Variants in AGMO observed in about 807,000 individuals in gnomAD.
The protein encoded by AGMO is alkylglycerol monooxygenase.
AGMO carries 75 observed loss-of-function variants against 60.2 expected under a neutral mutation model. That is an observed-to-expected ratio of 1.25 (90% CI 1.03 to 1.51). The LOEUF (loss-of-function observed/expected upper bound fraction) is 1.51, where lower values mean the gene tolerates loss of function less well. Among genes scored for constraint, AGMO ranks in the 40% most tolerant of loss-of-function variants. The pLI, the probability that AGMO is intolerant of heterozygous loss-of-function variation, is 0.00. For synonymous variants in AGMO, 261 were observed against 177.1 expected, an observed-to-expected ratio of 1.47 and a Z score of -3.76; for missense variants, 763 against 525.5, an observed-to-expected ratio of 1.45 and a Z score of -4.42.
chr7:15,131,158 G>A, the AGMO span, among the ~76,000 whole-genome samples: 9 of 151,862 alleles, frequency 5.9e-5, no homozygotes, highest in Non-Finnish European at 1.0e-4. Flanking sequence ...TAGGAGTCTC[G>A]GTTTAAACAA....
intron 3 of AGMO, among the ~76,000 whole-genome samples, chr7:15,515,094 C>T (rs1258103113): frequency 6.6e-6 from 1 of 152,186 alleles, no homozygotes; most frequent in Non-Finnish European, 1.5e-5. Flanking sequence ...AGAAGTAGCT[C>T]ATCCATTGGG....
chr7:15,448,745 G>C (rs867392080), intron 3 of AGMO, among the ~76,000 whole-genome samples: 1 of 151,768 alleles, frequency 6.6e-6, no homozygotes, highest in African/African-American at 2.4e-5. Context: ...ATGGAAGAAA[G>C]AGTAAAGACT....
chr7:15,387,751 A>G (rs1002032881), intron 8 of AGMO, among the ~76,000 whole-genome samples: 12 of 152,182 alleles, frequency 7.9e-5, no homozygotes, highest in South Asian at 2.1e-4. Flanking sequence ...CAATATATCT[A>G]AAGTTCAATA....
chr7:15,252,791 C>G (rs1264933880), intron 12 of AGMO, among the ~76,000 whole-genome samples: 1 of 152,110 alleles, frequency 6.6e-6, no homozygotes, highest in African/African-American at 2.4e-5. Context: ...ACACTCCACA[C>G]TTAAGCCATT....
intron 1 of AGMO, among the ~76,000 whole-genome samples, chr7:15,560,537 A>T (rs1357665878): frequency 6.6e-6 from 1 of 152,178 alleles, no homozygotes; most frequent in Non-Finnish European, 1.5e-5. Flanking sequence ...TTATAATATT[A>T]TAAGATTAAG....
intron 2 of AGMO, among the ~76,000 whole-genome samples, chr7:15,547,784 C>T (rs981011701): frequency 6.6e-6 from 1 of 151,896 alleles, no homozygotes; most frequent in Non-Finnish European, 1.5e-5. Context: ...AACAAAGCAG[C>T]CGGGAAGCTC....
At chr7:15,430,915 T>G in intron 4 of AGMO, 90 bp downstream of exon 4, 1 of 719,344 alleles carries the variant, frequency 1.4e-6, no homozygotes, top group Non-Finnish European at 2.1e-6. Context: ...ACACCTTCTA[T>G]TAGTTTTTTT....
chr7:15,393,197 T>C (rs1784221539), intron 6 of AGMO, among the ~76,000 whole-genome samples: 1 of 152,218 alleles, frequency 6.6e-6, no homozygotes, highest in African/African-American at 2.4e-5. Flanking sequence ...GCCTCTCCCC[T>C]TCTGGGGAGT....
At chr7:15,520,693 T>A (rs2128535320) in intron 3 of AGMO, among the ~76,000 whole-genome samples, 2 of 152,262 alleles carry the variant, frequency 1.3e-5, no homozygotes, top group Middle Eastern at 6.8e-3. Context: ...GGGACACAGC[T>A]AAAGCAGTGT....
intron 3 of AGMO, among the ~76,000 whole-genome samples, chr7:15,443,346 T>C (rs1781613515): frequency 6.6e-6 from 1 of 152,084 alleles, no homozygotes; most frequent in Non-Finnish European, 1.5e-5. Flanking sequence ...ATCTTCATGT[T>C]CCCCCTAGAG....
At chr7:15,273,283 C>T (rs976369118) in intron 12 of AGMO, among the ~76,000 whole-genome samples, 1 of 152,106 alleles carries the variant, frequency 6.6e-6, no homozygotes, top group African/African-American at 2.4e-5. Context: ...AGTCTTCAAT[C>T]CACCTTGAAT....
chr7:15,534,353 C>T (rs1784435402), intron 3 of AGMO, among the ~76,000 whole-genome samples: 1 of 151,824 alleles, frequency 6.6e-6, no homozygotes, highest in South Asian at 2.1e-4. Context: ...TTAAAAACTT[C>T]AAGTGTTGAA....
intron 3 of AGMO, among the ~76,000 whole-genome samples, chr7:15,531,574 ATATATATATTC>A (rs1417706634): frequency 1.8e-5 from 2 of 111,790 alleles, no homozygotes; most frequent in South Asian, 2.5e-4. Context: ...TATATATTCC[ATATATATATTC>A]TATATATATT....
intron 3 of AGMO, among the ~76,000 whole-genome samples, chr7:15,537,607 A>G (rs1016615329): frequency 3.0e-4 from 45 of 152,192 alleles, no homozygotes; most frequent in African/African-American, 1.1e-3. Context: ...ATACTTTACA[A>G]TCAATGTTCA....
intron 12 of AGMO, among the ~76,000 whole-genome samples, chr7:15,274,179 G>C (rs1047974300): frequency 2.0e-5 from 3 of 152,182 alleles, no homozygotes; most frequent in Non-Finnish European, 4.4e-5. Context: ...AGTGGTGAGA[G>C]AGGGCGTCCC....
At chr7:15,239,905 C>T (rs560249193) in intron 12 of AGMO, among the ~76,000 whole-genome samples, 101 of 152,246 alleles carry the variant, frequency 6.6e-4, no homozygotes, top group African/African-American at 2.3e-3. Context: ...TGTAAGGACA[C>T]GCTGTTTCCA....
intron 12 of AGMO, among the ~76,000 whole-genome samples, chr7:15,248,087 T>C (rs1782802469): frequency 6.8e-6 from 1 of 147,918 alleles, no homozygotes; most frequent in African/African-American, 2.5e-5. Flanking sequence ...GTAGCTGATG[T>C]AAGATGTAGA....
At chr7:15,341,126 T>G (rs1411229318) in intron 12 of AGMO, among the ~76,000 whole-genome samples, 1 of 152,188 alleles carries the variant, frequency 6.6e-6, no homozygotes, top group Non-Finnish European at 1.5e-5. Flanking sequence ...GGAGACATTT[T>G]CCCCTTGTCT....
intron 5 of AGMO, 25 bp downstream of exon 5, chr7:15,418,533 T>C (rs1356286236): frequency 1.4e-6 from 2 of 1,435,646 alleles, no homozygotes; most frequent in Non-Finnish European, 1.9e-6. Context: ...GGTATAAAAC[T>C]TACAAAGATA....
Sources: allele counts gnomAD v4.1 joint callset (sites outside exome capture counted in the v4.1 genomes callset), GRCh38; gene constraint gnomAD v4.1.1; transcripts MANE v1.5; gene names NCBI Gene and HGNC (gene_info 2026-07-23, HGNC 2026-07-21).